Variants in ERO1A observed in about 807,000 individuals in gnomAD.
ERO1A encodes ERO1-like protein alpha.
In ERO1A, 49 loss-of-function variants were observed where a neutral mutation model predicts 76.9. The ratio of observed to expected loss-of-function variants is 0.64; its 90% CI spans 0.51 to 0.81. The LOEUF (loss-of-function observed/expected upper bound fraction) is 0.81, where lower values mean the gene tolerates loss of function less well. ERO1A is among the 30% of genes least tolerant of loss of function. ERO1A has a pLI of 0.00. For missense variants in ERO1A, 448 were observed against 542.1 expected (o/e 0.83, Z 1.72); for synonymous variants, 174 against 181.2 (o/e 0.96, Z 0.32).
At chr14:52,652,031 G>A (rs994474546) in intron 13 of ERO1A, among the ~76,000 whole-genome samples, 3 of 141,248 alleles carry the variant, frequency 2.1e-5, no homozygotes, top group East Asian at 2.0e-4. Flanking sequence ...GGTTTCACAC[G>A]ATGTTGCCCA....
chr14:52,644,462 A>G (rs1264514413), intron 15 of ERO1A, among the ~76,000 whole-genome samples: 5 of 152,204 alleles, frequency 3.3e-5, no homozygotes, highest in Non-Finnish European at 5.9e-5. Context: ...AAATATTAAA[A>G]TACTTCTATA....
At chr14:52,652,957 T>C in intron 12 of ERO1A, 112 bp downstream of exon 12, 1 of 710,802 alleles carries the variant, frequency 1.4e-6, no homozygotes, top group Non-Finnish European at 2.3e-6. Flanking sequence ...ACCGTGCCAC[T>C]GCACTCCAGC....
At chr14:52,684,009 C>G in intron 1 of ERO1A, 102 bp from the exon 2 acceptor site, 1 of 737,812 alleles carries the variant, frequency 1.4e-6, no homozygotes, top group Non-Finnish European at 2.2e-6. Flanking sequence ...CTCAACCAGT[C>G]CTTATCCTCC....
intron 1 of ERO1A, among the ~76,000 whole-genome samples, chr14:52,686,329 T>G (rs1317741292): frequency 6.6e-6 from 1 of 152,174 alleles, no homozygotes; most frequent in Non-Finnish European, 1.5e-5. Context: ...TCTAGCACCA[T>G]GTCACCTATG....
chr14:52,678,585 ATTT>A (rs906666742), intron 3 of ERO1A, 113 bp from the exon 4 acceptor site: 2 of 891,596 alleles, frequency 2.2e-6, no homozygotes, highest in Admixed American at 2.3e-5. Flanking sequence ...TCGAAGTTGG[ATTT>A]TTTAACAGAA....
chr14:52,656,711 C>CAAAAAAAAA (rs34369320), intron 11 of ERO1A, among the ~76,000 whole-genome samples: 6 of 103,600 alleles, frequency 5.8e-5, no homozygotes, highest in African/African-American at 2.4e-4. Flanking sequence ...GACTCTGTCT[C>CAAAAAAAAA]AAAAAAAAAA....
chr14:52,647,282 G>A (rs2039704335), intron 13 of ERO1A, among the ~76,000 whole-genome samples: 1 of 150,540 alleles, frequency 6.6e-6, no homozygotes, highest in Non-Finnish European at 1.5e-5. Flanking sequence ...TTACAGGCGT[G>A]AGCCACTGTG....
intron 4 of ERO1A, among the ~76,000 whole-genome samples, chr14:52,672,776 C>CAAAAAAAAAAA (rs1226719026): frequency 2.6e-4 from 16 of 61,024 alleles, no homozygotes; most frequent in East Asian, 4.7e-4. Flanking sequence ...TGTCTCTGAC[C>CAAAAAAAAAAA]AAAAAAAAAA....
In ERO1A at chr14:52,691,249, T is replaced by C. The variant is rs111551922; in HGVS notation, c.114+4119A>G. 6.6e-5 allele frequency among the ~76,000 whole-genome samples: 10 copies of C among 152,344 alleles called. 2 individuals carry two copies. Among genetic ancestry groups the C allele is most frequent in the African/African-American group, 2.4e-4 (10 of 41,578 alleles). On this transcript the variant is annotated intron_variant, in intron 1 of 15. Coordinates refer to ENST00000395686, the MANE Select transcript of ERO1A (RefSeq NM_014584.3). ...TGACAGAAGTACACTGGGACAAGTCTGTCAATGGAAGCAGGGAAATACCAA... is the reference window on the plus strand; with the variant it reads ...TGACAGAAGTACACTGGGACAAGTCCGTCAATGGAAGCAGGGAAATACCAA...
At chr14:52,647,418 A>T (rs2039708548) in intron 13 of ERO1A, among the ~76,000 whole-genome samples, 2 of 151,838 alleles carry the variant, frequency 1.3e-5, no homozygotes, top group South Asian at 4.2e-4. Flanking sequence ...AAATATATAA[A>T]ATATAGTGAA....
chr14:52,685,457 A>G (rs372019580), intron 1 of ERO1A, among the ~76,000 whole-genome samples: 62 of 152,314 alleles, frequency 4.1e-4, no homozygotes, highest in African/African-American at 1.5e-3. Context: ...AACCTAAATG[A>G]TATGATTTTT....
intron 3 of ERO1A, among the ~76,000 whole-genome samples, chr14:52,682,010 T>C (rs1187588615): frequency 2.0e-5 from 3 of 152,228 alleles, no homozygotes; most frequent in African/African-American, 7.2e-5. Flanking sequence ...AAATAGGTTT[T>C]ATAAGTTTGG....
At chr14:52,659,714 T>C (rs1055129128) in intron 9 of ERO1A, among the ~76,000 whole-genome samples, 1 of 152,106 alleles carries the variant, frequency 6.6e-6, no homozygotes, top group Non-Finnish European at 1.5e-5. Flanking sequence ...AGGTTCTTTT[T>C]TTCAAGTTTT....
chr14:52,671,960 T>A (rs2040613925), intron 4 of ERO1A, 89 bp from the exon 5 acceptor site: 2 of 887,666 alleles, frequency 2.3e-6, no homozygotes, highest in East Asian at 2.7e-5. Flanking sequence ...GCTCTTTTTA[T>A]TTTTTTTATT....
rs1288415916 is a variant in ERO1A at position 52,642,589 on chromosome 14, G to A, written c.*981C>T. 6.6e-6 allele frequency: 1 copy of A among 152,242 alleles called. No homozygotes were observed. Among genetic ancestry groups the A allele is most frequent in the Non-Finnish European group, 1.5e-5 (1 of 67,984 alleles). The allele number at this position is 152,242 out of a possible 1,614,324, so 9.4% of individuals were successfully genotyped here. On this transcript the variant is annotated 3_prime_UTR_variant, in exon 16 of 16. Transcript: ENST00000395686. Reference sequence around the variant, plus strand: ...ACACACTGAAGTATTTAGGGTTTAAGGGGCATGATGCCTATAACTGACTTT... The same window carrying A: ...ACACACTGAAGTATTTAGGGTTTAAAGGGCATGATGCCTATAACTGACTTT...
At position 52,640,761 on chromosome 14, in the gene ERO1A, G is replaced by A. The variant is rs888315486; in HGVS notation, c.*2809C>T. 1 of 152,198 alleles carries A rather than the reference G, an allele frequency of 6.6e-6. No individual in the cohort carries two copies. Among genetic ancestry groups the A allele is most frequent in the African/African-American group, 2.4e-5 (1 of 41,438 alleles). The allele number at this position is 152,198 out of a possible 1,614,324, so 9.4% of individuals were successfully genotyped here. A position where few individuals can be genotyped will look rare whatever the true frequency, so the allele number is the denominator to read the frequency against. Reference sequence around the variant, plus strand: ...AGGGGAAGGTGGAGGAGAGGAATGAGCCTAGAAAACTTAGAATATAATGGT... The same window carrying A: ...AGGGGAAGGTGGAGGAGAGGAATGAACCTAGAAAACTTAGAATATAATGGT... On this transcript the variant is annotated 3_prime_UTR_variant, in exon 16 of 16. Coordinates refer to ENST00000395686, the MANE Select transcript of ERO1A (RefSeq NM_014584.3).
chr14:52,688,855 A>G (rs1245370395), intron 1 of ERO1A, among the ~76,000 whole-genome samples: 1 of 152,268 alleles, frequency 6.6e-6, no homozygotes, highest in African/African-American at 2.4e-5. Context: ...ATGAAAGACA[A>G]AACAACACTT....
intron 4 of ERO1A, among the ~76,000 whole-genome samples, chr14:52,678,166 TGA>T (rs2040865185): frequency 1.3e-5 from 2 of 152,010 alleles, no homozygotes; most frequent in African/African-American, 4.8e-5. Flanking sequence ...CTCTGGAGGC[TGA>T]GACAAGAATC....
At chr14:52,684,634 T>C (rs1391058467) in intron 1 of ERO1A, among the ~76,000 whole-genome samples, 1 of 152,150 alleles carries the variant, frequency 6.6e-6, no homozygotes, top group African/African-American at 2.4e-5. Flanking sequence ...AAACCATTTA[T>C]CATTAGTAAC....
Sources: gnomAD v4.1 joint callset for allele counts (sites outside exome capture counted in the v4.1 genomes callset) on GRCh38, gnomAD v4.1.1 for gene constraint, MANE v1.5 for transcripts, NCBI Gene and HGNC (gene_info 2026-07-23, HGNC 2026-07-21) for gene names.